Variants in SLC47A1 observed in about 807,000 individuals in gnomAD.
SLC47A1 encodes solute carrier family 47 member 1.
In SLC47A1, 58 loss-of-function variants were observed where a neutral mutation model predicts 65.8. The observed-to-expected ratio is 0.88, with a 90% CI of 0.71 to 1.10. SLC47A1 has a LOEUF of 1.10. Ranked by LOEUF, SLC47A1 falls within the 50% of genes least tolerant of loss-of-function variation. The pLI is 0.00. For missense variants in SLC47A1, 706 were observed against 719.2 expected, an observed-to-expected ratio of 0.98 and a Z score of 0.21; for synonymous variants, 285 against 295.0, an observed-to-expected ratio of 0.97 and a Z score of 0.35.
intron 16 of SLC47A1, among the ~76,000 whole-genome samples, chr17:19,576,296 G>T (rs1306920321): frequency 6.8e-6 from 1 of 146,346 alleles, no homozygotes; most frequent in East Asian, 2.0e-4. Context: ...CCTTTGATGT[G>T]AACGGTCACA....
Position 19,552,725 on chromosome 17 carries a change from G to T in SLC47A1, c.543+1257G>T, listed in dbSNP as rs558504549. Reference sequence around the variant, plus strand: ...AGGACACGTGGAGTTTCCAAGGTTGGGAAGGAAGGCAGGGGATCCTAGACA... The same window carrying T: ...AGGACACGTGGAGTTTCCAAGGTTGTGAAGGAAGGCAGGGGATCCTAGACA... On this transcript the variant is annotated intron_variant, in intron 6 of 16. Coordinates refer to ENST00000270570, the MANE Select transcript of SLC47A1 (RefSeq NM_018242.3). Among the ~76,000 whole-genome samples, 492 of 152,312 alleles carry T rather than the reference G, an allele frequency of 3.2e-3. 1 individual carries two copies. The highest frequency in any genetic ancestry group is 6.1e-3 in the Non-Finnish European group (415 of 68,016).
rs150466056 is a variant in SLC47A1 at position 19,555,898 on chromosome 17, G to A, written c.842G>A (p.Ser281Asn). 2.5e-6 allele frequency: 4 copies of A among 1,613,902 alleles called. No homozygotes were observed. The African/African-American group carries it at 5.3e-5, about 22-fold the overall frequency. The change falls in exon 9 of 17, where the codon AGC (serine) becomes AAC (asparagine). Residue 281 changes from serine to asparagine, a missense_variant. Ser to Asn is a conservative substitution (Grantham distance 46, BLOSUM62 1). Transcript: ENST00000270570. ...GAGTGGTGGGCCTATGAGGTCGGGA[G>A]CTTCCTCAGTGGTCTGTATGAGGAT... is the stretch of plus-strand genomic sequence containing the variant. ...CMEWWAYEVG[S>N]FLSGILGMVE...
chr17:19,560,079 T>C, intron 10 of SLC47A1, 109 bp from the exon 11 acceptor site: 2 of 761,130 alleles, frequency 2.6e-6, no homozygotes, highest in South Asian at 3.7e-5. Flanking sequence ...TTTTCAAAAC[T>C]TTTAGGACCA....
chr17:19,569,523 T>C (rs1053141448), intron 14 of SLC47A1, among the ~76,000 whole-genome samples: 1 of 152,096 alleles, frequency 6.6e-6, no homozygotes, highest in Non-Finnish European at 1.5e-5. Flanking sequence ...GTGGTACGAA[T>C]TGGTTTTGAG....
chr17:19,577,519 G>A lies in SLC47A1; in HGVS notation c.1679G>A (p.Gly560Glu), dbSNP rs1206958951. The part of the protein sequence containing the change: ...LLGVFLILLV[G>E]ILVRFYVRIQ ...GGGGTCTTCTTAATCTTGCTGGTGG[G>A]GATTTTAGTGAGATTCTATGTCAGA... Residue 560 changes from glycine (G) to glutamate (E), a missense_variant, in exon 17 of 17, where the codon GGG becomes GAG. Transcript: ENST00000270570. The A allele has an allele frequency of 5.0e-6, 8 of 1,614,104 alleles. No homozygotes were observed. The highest frequency in any genetic ancestry group is 6.8e-6 in the Non-Finnish European group (8 of 1,180,006).
At chr17:19,545,741 TG>T (rs1916272385) in intron 2 of SLC47A1, among the ~76,000 whole-genome samples, 2 of 149,700 alleles carry the variant, frequency 1.3e-5, no homozygotes, top group African/African-American at 4.9e-5. Context: ...CCTCCCACCT[TG>T]GCTTCCCAAA....
intron 1 of SLC47A1, among the ~76,000 whole-genome samples, chr17:19,538,858 G>A (rs969231775): frequency 6.6e-6 from 1 of 152,160 alleles, no homozygotes; most frequent in African/African-American, 2.4e-5. Context: ...TTATCTGACT[G>A]CCAAGTTTGC....
At chr17:19,547,516 G>A (rs551103211) in intron 3 of SLC47A1, among the ~76,000 whole-genome samples, 2 of 151,652 alleles carry the variant, frequency 1.3e-5, no homozygotes, top group South Asian at 4.2e-4. Context: ...AAAAGAAATT[G>A]TTTTAAATAT....
At chr17:19,552,584 C>T (rs1782823982) in intron 6 of SLC47A1, among the ~76,000 whole-genome samples, 1 of 152,182 alleles carries the variant, frequency 6.6e-6, no homozygotes, top group Admixed American at 6.5e-5. Flanking sequence ...TCTGATGTGA[C>T]CTGCTGAGGA....
intron 6 of SLC47A1, among the ~76,000 whole-genome samples, chr17:19,553,200 A>T (rs938175966): frequency 2.6e-5 from 4 of 151,962 alleles, no homozygotes; most frequent in Non-Finnish European, 5.9e-5. Flanking sequence ...GGAGGGTGGG[A>T]ACAGAGCCAG....
chr17:19,534,990 G>A (rs1915951981), intron 1 of SLC47A1: 2 of 152,342 alleles, frequency 1.3e-5, no homozygotes, highest in African/African-American at 4.8e-5. Flanking sequence ...TGCGCGGGCT[G>A]AGGGGGGCCG....
intron 5 of SLC47A1, among the ~76,000 whole-genome samples, chr17:19,550,662 T>C (rs1916422699): frequency 6.6e-6 from 1 of 152,152 alleles, no homozygotes. Context: ...GCTGAATTAG[T>C]CTGCAGGGGC....
chr17:19,570,347 G>A (rs2084389964), intron 14 of SLC47A1, among the ~76,000 whole-genome samples: 1 of 152,168 alleles, frequency 6.6e-6, no homozygotes, highest in Non-Finnish European at 1.5e-5. Context: ...CTTGCATTTG[G>A]GCAGAAACTC....
At chr17:19,563,186 G>T (rs1298785339) in intron 12 of SLC47A1, among the ~76,000 whole-genome samples, 2 of 141,618 alleles carry the variant, frequency 1.4e-5, no homozygotes, top group Admixed American at 1.5e-4. Context: ...AGGCTGGAGT[G>T]CAGTGGCATG....
intron 16 of SLC47A1, among the ~76,000 whole-genome samples, chr17:19,574,244 A>ATGCAGCCCTTTGGG (rs1301828454): frequency 1.3e-5 from 2 of 151,950 alleles, no homozygotes; most frequent in Non-Finnish European, 2.9e-5. Flanking sequence ...TAAGTCTTGG[A>ATGCAGCCCTTTGGG]TGCAGCCCTT....
chr17:19,555,811 G>A lies in SLC47A1; in HGVS notation c.755G>A (p.Cys252Tyr), dbSNP rs756657835. Residue 252 changes from cysteine to tyrosine, a missense_variant, in exon 9 of 17, where the codon TGC (cysteine) becomes TAC (tyrosine). Transcript: ENST00000270570. Reference sequence around the variant, plus strand: ...CCCCCCACAGGCTGGTCCCTCGAGTGCCTGCAGGACTGGGCCTCCTTCCTC... The same window carrying A: ...CCCCCCACAGGCTGGTCCCTCGAGTACCTGCAGGACTGGGCCTCCTTCCTC... Reference protein sequence around the residue: ...QATWGGWSLECLQDWASFLRL... With the variant: ...QATWGGWSLEYLQDWASFLRL... 3.7e-6 allele frequency: 6 copies of A among 1,613,612 alleles called. No homozygotes were observed. Among genetic ancestry groups the A allele is most frequent in the Non-Finnish European group, 4.2e-6 (5 of 1,180,038 alleles).
intron 1 of SLC47A1, among the ~76,000 whole-genome samples, chr17:19,537,879 C>T (rs941247993): frequency 2.0e-5 from 3 of 152,194 alleles, no homozygotes; most frequent in Non-Finnish European, 4.4e-5. Context: ...CCCCGACAGA[C>T]AAGTCTCCAG....
chr17:19,572,815 G>A lies in SLC47A1; in HGVS notation c.1440G>A (p.Val480=). The A allele has an allele frequency of 6.2e-7, 1 of 1,614,150 alleles. No individual in the cohort carries two copies. Among genetic ancestry groups the A allele is most frequent in the South Asian group, 1.1e-5 (1 of 91,078 alleles). Residue 480 remains valine (V), a synonymous_variant, in exon 16 of 17, where the codon GTG becomes GTA. Transcript: ENST00000270570. ...ACGCCAATTTGAAAGTAAACAACGT[G>A]CCTCGGAGTGGGAATTCTGCTCTCC... ...QVHANLKVNN[V]PRSGNSALPQ...
chr17:19,577,267 C>G, intron 16 of SLC47A1, 60 bp from the exon 17 acceptor site: 1 of 1,587,098 alleles, frequency 6.3e-7, no homozygotes, highest in Non-Finnish European at 8.6e-7. Flanking sequence ...TATACATAGC[C>G]CTTTATAAAA....
Sources: allele counts gnomAD v4.1 joint callset (sites outside exome capture counted in the v4.1 genomes callset), GRCh38; gene constraint gnomAD v4.1.1; transcripts MANE v1.5; gene names NCBI Gene and HGNC (gene_info 2026-07-23, HGNC 2026-07-21).